Variants in SPON1 observed in about 807,000 individuals in gnomAD.
SPON1 encodes spondin-1.
SPON1 carries 52 observed loss-of-function variants against 111.7 expected under a neutral mutation model. The ratio of observed to expected loss-of-function variants is 0.47; its 90% CI spans 0.37 to 0.59. The LOEUF is 0.59. Among genes scored for constraint, SPON1 ranks in the 20% least tolerant of loss-of-function variants. The pLI is 0.00. For missense variants in SPON1, 957 were observed against 1,068.5 expected (o/e 0.90, Z 1.46); for synonymous variants, 410 against 395.8 (o/e 1.04, Z -0.43).
chr11:14,088,205 G>C (rs1337315808), intron 5 of SPON1, among the ~76,000 whole-genome samples: 1 of 152,094 alleles, frequency 6.6e-6, no homozygotes, highest in Admixed American at 6.6e-5. Context: ...CACATTTGTT[G>C]ATGCAGTTTC....
chr11:14,114,611 C>A (rs535028407), intron 5 of SPON1, among the ~76,000 whole-genome samples: 1 of 152,176 alleles, frequency 6.6e-6, no homozygotes, highest in African/African-American at 2.4e-5. Flanking sequence ...CTCCATCCAG[C>A]CTCTATTTCT....
At chr11:14,173,598 T>C (rs1489115855) in intron 6 of SPON1, among the ~76,000 whole-genome samples, 1 of 152,196 alleles carries the variant, frequency 6.6e-6, no homozygotes, top group African/African-American at 2.4e-5. Flanking sequence ...GTTTTTCTGC[T>C]CTGTTTTTCC....
intron 15 of SPON1, among the ~76,000 whole-genome samples, chr11:14,264,901 G>C (rs879981784): frequency 6.6e-6 from 1 of 152,222 alleles, no homozygotes; most frequent in African/African-American, 2.4e-5. Context: ...TGGGAGCCAA[G>C]TACTTGGGGA....
At chr11:14,255,593 G>C in intron 8 of SPON1, 54 bp from the exon 9 acceptor site, 1 of 1,576,536 alleles carries the variant, frequency 6.3e-7, no homozygotes, top group Non-Finnish European at 8.7e-7. Context: ...AATGGCTTTT[G>C]TGGGTTTTCC....
At position 13,970,129 on chromosome 11, in the gene SPON1, T is replaced by C. The variant is rs184726295; in HGVS notation, c.238+6987T>C. ...GCATCTATGGTGTCAGGAAGCTTGC[T>C]ATATCACATAAAAAGCTTTTTGTGA... is the stretch of plus-strand genomic sequence containing the variant. On this transcript the variant is annotated intron_variant, in intron 1 of 15. Coordinates refer to ENST00000576479, the MANE Select transcript of SPON1 (RefSeq NM_006108.4). Among the ~76,000 whole-genome samples the C allele has an allele frequency of 5.6e-3, 846 of 152,354 alleles. 11 individuals are homozygous for C. Among genetic ancestry groups the C allele is most frequent in the Middle Eastern group, 0.027 (8 of 294 alleles).
At chr11:14,246,743 G>A (rs147917942) in intron 7 of SPON1, among the ~76,000 whole-genome samples, 2 of 152,228 alleles carry the variant, frequency 1.3e-5, no homozygotes, top group African/African-American at 4.8e-5. Context: ...AGTTCCTTAT[G>A]GAGATTACAA....
intron 6 of SPON1, among the ~76,000 whole-genome samples, chr11:14,187,974 T>C (rs1848305008): frequency 6.6e-6 from 1 of 152,050 alleles, no homozygotes; most frequent in Admixed American, 6.6e-5. Context: ...AGAGACAGGG[T>C]TTTGCCATGT....
chr11:14,095,404 C>CTAGATAGATAGATAGA (rs3047371), intron 5 of SPON1, among the ~76,000 whole-genome samples: 2 of 148,208 alleles, frequency 1.3e-5, no homozygotes, highest in Non-Finnish European at 3.0e-5. Flanking sequence ...AAATGAGAGA[C>CTAGATAGATAGATAGA]TAGATAGATA....
In SPON1 at chr11:13,962,816, C is replaced by G; in HGVS notation, c.-89C>G. The stretch of plus-strand genomic sequence containing the variant: ...GAGCTCCCTCTCTCCGCCGCGCCTC[C>G]GCCAGGTCGCGCCTTCGTCGGGACC... On this transcript the variant is annotated 5_prime_UTR_variant, in exon 1 of 16. Coordinates refer to ENST00000576479, the MANE Select transcript of SPON1 (RefSeq NM_006108.4). The G allele has an allele frequency of 8.0e-7, 1 of 1,246,382 alleles. No individual in the cohort carries two copies. 77.2% of individuals were successfully genotyped at this position (1,246,382 alleles called of 1,614,324 possible). A position where few individuals can be genotyped will look rare whatever the true frequency, so the allele number is the denominator to read the frequency against.
intron 6 of SPON1, among the ~76,000 whole-genome samples, chr11:14,178,163 A>G (rs1433816890): frequency 6.6e-6 from 1 of 151,512 alleles, no homozygotes; most frequent in Non-Finnish European, 1.5e-5. Context: ...ATGAATGTTT[A>G]GAAGTCACAA....
intron 5 of SPON1, among the ~76,000 whole-genome samples, chr11:14,091,145 A>G (rs1004062773): frequency 3.2e-4 from 48 of 152,170 alleles, no homozygotes; most frequent in Non-Finnish European, 2.2e-4. Context: ...CAGAGTGTCG[A>G]TTGGTGCACT....
intron 4 of SPON1, among the ~76,000 whole-genome samples, chr11:14,076,633 A>G (rs1333886720): frequency 2.0e-5 from 3 of 152,348 alleles, no homozygotes; most frequent in Admixed American, 2.0e-4. Context: ...CAATGCCCTT[A>G]ACCATTGCTT....
chr11:14,240,412 C>A (rs1196179290), intron 6 of SPON1, among the ~76,000 whole-genome samples: 3 of 152,184 alleles, frequency 2.0e-5, no homozygotes, highest in Non-Finnish European at 2.9e-5. Flanking sequence ...TGTGTAACCA[C>A]TAGATGAAAA....
chr11:14,251,568 C>T (rs1255228788), intron 7 of SPON1, among the ~76,000 whole-genome samples: 1 of 152,160 alleles, frequency 6.6e-6, no homozygotes, highest in Non-Finnish European at 1.5e-5. Flanking sequence ...TGAATAGTCA[C>T]CCATGGGGTA....
At chr11:14,033,433 A>T (rs1554916286) in intron 2 of SPON1, among the ~76,000 whole-genome samples, 4 of 152,170 alleles carry the variant, frequency 2.6e-5, no homozygotes, top group African/African-American at 9.7e-5. Flanking sequence ...TGTCTCTTGA[A>T]CCAGAAAGTG....
intron 5 of SPON1, among the ~76,000 whole-genome samples, chr11:14,133,524 G>A (rs782240455): frequency 1.3e-5 from 2 of 152,196 alleles, no homozygotes; most frequent in African/African-American, 2.4e-5. Flanking sequence ...ACAGAGCAAA[G>A]AGCATATGGT....
intron 6 of SPON1, among the ~76,000 whole-genome samples, chr11:14,198,917 G>A (rs778039761): frequency 6.6e-5 from 10 of 152,162 alleles, no homozygotes; most frequent in Non-Finnish European, 1.3e-4. Context: ...CTCGAGTAAG[G>A]CAATGAATGA....
At chr11:14,214,642 A>T (rs1199692070) in intron 6 of SPON1, among the ~76,000 whole-genome samples, 1 of 152,234 alleles carries the variant, frequency 6.6e-6, no homozygotes, top group Non-Finnish European at 1.5e-5. Context: ...ATGGAATTCC[A>T]ACTGCTATGT....
chr11:14,181,757 T>C (rs540493223), intron 6 of SPON1, among the ~76,000 whole-genome samples: 1 of 152,248 alleles, frequency 6.6e-6, no homozygotes, highest in East Asian at 1.9e-4. Context: ...TTCAGTACAT[T>C]TTAGCTCTCT....
Sources: allele counts gnomAD v4.1 joint callset (sites outside exome capture counted in the v4.1 genomes callset), GRCh38; gene constraint gnomAD v4.1.1; transcripts MANE v1.5; gene names NCBI Gene and HGNC (gene_info 2026-07-23, HGNC 2026-07-21).